The following DACH2 variants were observed in gnomAD, a reference collection of about 807,000 sequenced individuals.
The protein encoded by DACH2 is dachshund family transcription factor 2.
DACH2 carries 17 observed loss-of-function variants against 35.8 expected under a neutral mutation model. The observed-to-expected ratio is 0.48, with a 90% confidence interval of 0.33 to 0.71. The LOEUF (loss-of-function observed/expected upper bound fraction) is 0.71, where lower values mean the gene tolerates loss of function less well. Among genes scored for constraint, DACH2 ranks in the 30% least tolerant of loss-of-function variants. The probability of loss-of-function intolerance (pLI) is 0.02; values close to 1 mark genes in which losing one functional copy is unlikely to be tolerated. For synonymous variants in DACH2, 195 were observed against 177.3 expected (o/e 1.10, Z -0.79); for missense variants, 469 against 472.7 (o/e 0.99, Z 0.07).
chrX:86,302,077 C>T (rs1296640205), intron 1 of DACH2, among the ~76,000 whole-genome samples: 1 of 111,156 alleles, frequency 9.0e-6, no homozygotes, highest in Non-Finnish European at 1.9e-5. Flanking sequence ...GTACTTAATG[C>T]ATGAAGAAAA....
Position 86,452,070 on chromosome X carries a change from A to C in DACH2, c.528-62209A>C, listed in dbSNP as rs975743340. 3.6e-5 allele frequency among the ~76,000 whole-genome samples: 4 copies of C among 111,788 alleles called. No homozygotes were observed. In the Admixed American group the frequency reaches 3.8e-4, roughly 11 times the overall value. On this transcript the variant is annotated intron_variant, in intron 2 of 11. Transcript: ENST00000373125. ...GAATTTTATCAAAAGTGTTTTCTGC[A>C]TCTATTGAGACAACTATGTGGTTTT...
At chrX:86,303,145 G>T (rs1163476180) in intron 1 of DACH2, among the ~76,000 whole-genome samples, 1 of 104,387 alleles carries the variant, frequency 9.6e-6, no homozygotes, top group Non-Finnish European at 1.9e-5. Context: ...GGATATTGGA[G>T]GAAAACATAC....
intron 3 of DACH2, among the ~76,000 whole-genome samples, chrX:86,563,779 A>G (rs1401851507): frequency 1.8e-5 from 2 of 110,595 alleles, no homozygotes; most frequent in African/African-American, 6.6e-5. Flanking sequence ...TGTCTCTCCT[A>G]AGTTCCATTG....
intron 11 of DACH2, among the ~76,000 whole-genome samples, chrX:86,827,207 C>T (rs867070205): frequency 1.8e-5 from 2 of 111,800 alleles, no homozygotes; most frequent in Non-Finnish European, 3.8e-5. Context: ...CAATTACTTT[C>T]GAATAACCAT....
intron 2 of DACH2, among the ~76,000 whole-genome samples, chrX:86,479,261 G>T (rs756393168): frequency 4.5e-5 from 5 of 111,025 alleles, no homozygotes; most frequent in Non-Finnish European, 7.6e-5. Flanking sequence ...GTATAGGATG[G>T]GGGGCATGGC....
intron 1 of DACH2, among the ~76,000 whole-genome samples, chrX:86,293,700 T>C (rs1045234697): frequency 9.0e-6 from 1 of 111,270 alleles, no homozygotes; most frequent in Non-Finnish European, 1.9e-5. Context: ...TTTGGCTGGA[T>C]ATGAAATTCT....
intron 2 of DACH2, among the ~76,000 whole-genome samples, chrX:86,485,405 T>C (rs1376800376): frequency 9.0e-6 from 1 of 111,416 alleles, no homozygotes; most frequent in Non-Finnish European, 1.9e-5. Flanking sequence ...GAAAGATTGG[T>C]CAATGGGTAC....
At chrX:86,822,492 T>C (rs1361674858) in intron 11 of DACH2, among the ~76,000 whole-genome samples, 1 of 112,171 alleles carries the variant, frequency 8.9e-6, no homozygotes, top group Non-Finnish European at 1.9e-5. Context: ...AGTATGAAAA[T>C]AACCTAAGTT....
chrX:86,180,020 G>T (rs778999010), intron 1 of DACH2, among the ~76,000 whole-genome samples: 1 of 107,075 alleles, frequency 9.3e-6, no homozygotes, highest in African/African-American at 3.4e-5. Context: ...CACTGATTGT[G>T]AAGAGTTTTT....
intron 3 of DACH2, among the ~76,000 whole-genome samples, chrX:86,635,512 A>G (rs2040254218): frequency 9.0e-6 from 1 of 110,734 alleles, no homozygotes; most frequent in African/African-American, 3.3e-5. Context: ...TCAGCATAAT[A>G]TTGGAAGTGC....
At position 86,283,945 on chromosome X, in the gene DACH2, T is replaced by C. The variant is rs2034092043; in HGVS notation, c.489-92879T>C. On this transcript the variant is annotated intron_variant, in intron 1 of 11. Transcript: ENST00000373125. ...ATGAAATCCTGCTGACTTTTGTGCA[T>C]TGATTTTGTGTCCCACAACTTTACT... is the stretch of plus-strand genomic sequence containing the variant. Among the ~76,000 whole-genome samples, 4 of 110,096 alleles carry C rather than the reference T, an allele frequency of 3.6e-5. No individual in the cohort carries two copies. The South Asian group carries it at 1.6e-3, about 43-fold the overall frequency.
chrX:86,763,858 A>T (rs2041907185), intron 7 of DACH2, among the ~76,000 whole-genome samples: 2 of 111,867 alleles, frequency 1.8e-5, no homozygotes, highest in Admixed American at 1.9e-4. Flanking sequence ...ATTGACTTGT[A>T]TACTTATAAT....
intron 1 of DACH2, among the ~76,000 whole-genome samples, chrX:86,270,120 C>A (rs2033788715): frequency 9.7e-6 from 1 of 103,467 alleles, no homozygotes; most frequent in Non-Finnish European, 2.0e-5. Flanking sequence ...GTTGGCTTGG[C>A]TTGGGGGTGG....
chrX:86,441,205 T>C (rs947226050), intron 2 of DACH2, among the ~76,000 whole-genome samples: 3 of 111,112 alleles, frequency 2.7e-5, no homozygotes, highest in African/African-American at 9.8e-5. Context: ...CAATATTAGA[T>C]CTTATTCATT....
rs1471068612 is a variant in DACH2 at position 86,339,649 on chromosome X, A to G, written c.489-37175A>G. Among the ~76,000 whole-genome samples the G allele has an allele frequency of 2.7e-5, 3 of 111,644 alleles. No homozygotes were observed. In the South Asian group the frequency reaches 1.1e-3, roughly 42 times the overall value. ...ATAAGTGGTGGAGCTCAGAGTCTGT[A>G]TGTATTTCCCAACTCTGGCTTCAAA... is the stretch of plus-strand genomic sequence containing the variant. On this transcript the variant is annotated intron_variant, in intron 1 of 11. Transcript: ENST00000373125.
intron 3 of DACH2, among the ~76,000 whole-genome samples, chrX:86,649,578 T>C (rs968762803): frequency 1.1e-4 from 12 of 111,474 alleles, no homozygotes; most frequent in African/African-American, 3.9e-4. Context: ...CAAGATAATG[T>C]ACAAATGTAT....
intron 5 of DACH2, among the ~76,000 whole-genome samples, chrX:86,698,521 G>GTGTTTT (rs2041096546): frequency 9.1e-5 from 3 of 32,955 alleles, no homozygotes; most frequent in Non-Finnish European, 1.4e-4. Context: ...TTAGTTTTGT[G>GTGTTTT]TTTTTTTTTT....
At chrX:86,544,984 G>C (rs1308880444) in intron 3 of DACH2, among the ~76,000 whole-genome samples, 2 of 111,786 alleles carry the variant, frequency 1.8e-5, no homozygotes, top group Non-Finnish European at 3.8e-5. Flanking sequence ...TAGTAGAGAG[G>C]GGGTTTTGCC....
intron 7 of DACH2, among the ~76,000 whole-genome samples, chrX:86,780,979 G>A (rs6524693): frequency 0.3 from 32,650 of 110,272 alleles, 3,837 homozygotes; most frequent in Middle Eastern, 0.39. Flanking sequence ...ACTGGGGATG[G>A]GGAGGCTGTT....
Sources: allele counts gnomAD v4.1 joint callset (sites outside exome capture counted in the v4.1 genomes callset), GRCh38; gene constraint gnomAD v4.1.1; transcripts MANE v1.5; gene names NCBI Gene and HGNC (gene_info 2026-07-23, HGNC 2026-07-21).